The following ARHGAP24 variants were observed in gnomAD, a reference collection of about 807,000 sequenced individuals.
ARHGAP24 encodes rho GTPase-activating protein 24.
Under a neutral mutation model 76.4 loss-of-function variants are expected in ARHGAP24, and 50 were observed. The observed-to-expected ratio is 0.65, with a 90% CI of 0.52 to 0.83. The LOEUF (loss-of-function observed/expected upper bound fraction) is 0.83. Among genes scored for constraint, ARHGAP24 ranks in the 40% least tolerant of loss-of-function variants. The pLI is 0.00. For synonymous variants in ARHGAP24, 345 were observed against 323.3 expected, an observed-to-expected ratio of 1.07 and a Z score of -0.72; for missense variants, 930 against 914.2, an observed-to-expected ratio of 1.02 and a Z score of -0.22.
At chr4:85,975,341 T>A (rs1220467594) in intron 7 of ARHGAP24, among the ~76,000 whole-genome samples, 1 of 152,202 alleles carries the variant, frequency 6.6e-6, no homozygotes, top group Non-Finnish European at 1.5e-5. Context: ...AGTTCTCTTA[T>A]TCTTTCTGAG....
intron 2 of ARHGAP24, among the ~76,000 whole-genome samples, chr4:85,713,620 A>G (rs924039659): frequency 1.4e-5 from 2 of 145,264 alleles, no homozygotes; most frequent in African/African-American, 2.5e-5. Context: ...CTCAAGATCA[A>G]TTGTGTCTCT....
intron 3 of ARHGAP24, among the ~76,000 whole-genome samples, chr4:85,916,959 T>C (rs1322063881): frequency 6.6e-6 from 1 of 152,214 alleles, no homozygotes; most frequent in African/African-American, 2.4e-5. Flanking sequence ...ATGTGCACGA[T>C]GTGCAGGTTA....
intron 2 of ARHGAP24, among the ~76,000 whole-genome samples, chr4:85,666,539 G>GAACTGCATTT: frequency 1.3e-5 from 2 of 152,308 alleles, no homozygotes; most frequent in South Asian, 4.1e-4. Context: ...TGCTGGTGAG[G>GAACTGCATTT]AACTGCATTC....
At chr4:85,702,278 C>G (rs6531855) in intron 2 of ARHGAP24, among the ~76,000 whole-genome samples, 147,638 of 152,280 alleles carry the variant, frequency 0.97, 71,732 homozygotes, top group East Asian at 1. Flanking sequence ...ATACAGAAGC[C>G]AAACAAGTTT....
At chr4:85,811,552 AC>A (rs1295357480) in intron 3 of ARHGAP24, among the ~76,000 whole-genome samples, 1 of 152,190 alleles carries the variant, frequency 6.6e-6, no homozygotes, top group African/African-American at 2.4e-5. Flanking sequence ...AGTAGGTTTC[AC>A]CCTAAAGTTT....
chr4:85,926,994 C>A (rs1231646045), intron 4 of ARHGAP24, among the ~76,000 whole-genome samples: 1 of 151,784 alleles, frequency 6.6e-6, no homozygotes, highest in African/African-American at 2.4e-5. Context: ...TTTAAACATA[C>A]AATAATTAGA....
chr4:85,969,921 T>A (rs1738866291), intron 5 of ARHGAP24, among the ~76,000 whole-genome samples: 1 of 152,240 alleles, frequency 6.6e-6, no homozygotes, highest in African/African-American at 2.4e-5. Flanking sequence ...TCTTCTATAG[T>A]GTTTATCAGT....
intron 3 of ARHGAP24, among the ~76,000 whole-genome samples, chr4:85,865,494 T>C (rs1732144879): frequency 6.8e-6 from 1 of 147,416 alleles, no homozygotes; most frequent in African/African-American, 2.5e-5. Context: ...AAATAATAAA[T>C]AATTTAAATA....
chr4:85,604,886 G>A (rs1028280310), intron 2 of ARHGAP24, among the ~76,000 whole-genome samples: 2 of 152,104 alleles, frequency 1.3e-5, no homozygotes, highest in African/African-American at 4.8e-5. Context: ...CTAATTTTTT[G>A]TATTTTTAGT....
At chr4:85,503,928 A>C (rs931366229) in intron 1 of ARHGAP24, among the ~76,000 whole-genome samples, 1 of 152,134 alleles carries the variant, frequency 6.6e-6, no homozygotes, top group African/African-American at 2.4e-5. Flanking sequence ...CTTTGTTCTC[A>C]TTGGTTTCAA....
chr4:85,791,489 G>A (rs1728123868), intron 3 of ARHGAP24, among the ~76,000 whole-genome samples: 1 of 152,096 alleles, frequency 6.6e-6, no homozygotes, highest in Non-Finnish European at 1.5e-5. Context: ...TTCTCTCCAG[G>A]CACGAAAGAG....
intron 3 of ARHGAP24, among the ~76,000 whole-genome samples, chr4:85,909,292 C>CT (rs1454982955): frequency 2.0e-5 from 3 of 150,498 alleles, no homozygotes; most frequent in African/African-American, 7.3e-5. Context: ...TATGGGTTTT[C>CT]TTTTGTTTTG....
In ARHGAP24 at chr4:85,937,601, T is replaced by C. The variant is rs545343830; in HGVS notation, c.392-4465T>C. Among the ~76,000 whole-genome samples the C allele has an allele frequency of 9.2e-5, 14 of 152,180 alleles. No homozygotes were observed. The South Asian group carries it at 2.9e-3, about 32-fold the overall frequency. ...GACAACTATTAAAGAGTGTAGTAGTTAGCATAGTCAAGAAAGAGACTGACA... is the reference window on the plus strand; with the variant it reads ...GACAACTATTAAAGAGTGTAGTAGTCAGCATAGTCAAGAAAGAGACTGACA... On this transcript the variant is annotated intron_variant, in intron 4 of 9. Transcript: ENST00000395184.
chr4:85,924,521 T>G (rs1053962398), intron 4 of ARHGAP24, among the ~76,000 whole-genome samples: 34 of 152,198 alleles, frequency 2.2e-4, no homozygotes, highest in African/African-American at 8.0e-4. Flanking sequence ...TGCCTAATTT[T>G]TATATGGTGA....
At chr4:85,606,889 G>T (rs895072609) in intron 2 of ARHGAP24, among the ~76,000 whole-genome samples, 7 of 152,330 alleles carry the variant, frequency 4.6e-5, no homozygotes, top group African/African-American at 1.7e-4. Context: ...GAAAATAATT[G>T]CTGCTTTATG....
chr4:85,824,429 G>C (rs1012520209), intron 3 of ARHGAP24, among the ~76,000 whole-genome samples: 2 of 152,160 alleles, frequency 1.3e-5, no homozygotes, highest in African/African-American at 4.8e-5. Flanking sequence ...ACCCTAAGTG[G>C]AAATACTACA....
chr4:85,887,766 G>A (rs1237779797), intron 3 of ARHGAP24, among the ~76,000 whole-genome samples: 1 of 152,120 alleles, frequency 6.6e-6, no homozygotes, highest in Non-Finnish European at 1.5e-5. Flanking sequence ...ATCTAAAGAT[G>A]CTCTGTTCTT....
At position 85,554,855 on chromosome 4, in the gene ARHGAP24, T is replaced by G. The variant is rs6831865; in HGVS notation, c.-20-15667T>G. ...CCAGCTGATTTTTTTTTTTTTTTTG[T>G]ATTTTTAGTAGAGATGGGGTTTCAC... On this transcript the variant is annotated intron_variant, in intron 1 of 9. Transcript: ENST00000395184. Among the ~76,000 whole-genome samples the G allele has an allele frequency of 7.1e-3, 1,018 of 144,150 alleles. 10 individuals are homozygous for G. The highest frequency in any genetic ancestry group is 0.025 in the African/African-American group (958 of 38,600). The allele number at this position is 144,150 out of a possible 152,430, so 94.6% of individuals were successfully genotyped here.
intron 3 of ARHGAP24, among the ~76,000 whole-genome samples, chr4:85,846,705 C>G (rs1005221384): frequency 6.6e-6 from 1 of 152,158 alleles, no homozygotes; most frequent in Non-Finnish European, 1.5e-5. Flanking sequence ...GTTTTCATCA[C>G]CATGCCATGA....
Sources: gnomAD v4.1 joint callset for allele counts (sites outside exome capture counted in the v4.1 genomes callset) on GRCh38, gnomAD v4.1.1 for gene constraint, MANE v1.5 for transcripts, NCBI Gene and HGNC (gene_info 2026-07-23, HGNC 2026-07-21) for gene names.